Variants in SYN3 observed in about 807,000 individuals in gnomAD.
SYN3 encodes the protein synapsin III, also known as synapsin-3.
In SYN3, 35 loss-of-function variants were observed where a neutral mutation model predicts 65.8. The observed-to-expected ratio is 0.53, with a 90% CI of 0.41 to 0.70. SYN3 has a LOEUF of 0.70. SYN3 is among the 30% of genes least tolerant of loss of function. The pLI is 0.00. For missense variants in SYN3, 680 were observed against 749.0 expected (o/e 0.91, Z 1.08); for synonymous variants, 270 against 292.9 (o/e 0.92, Z 0.80).
At chr22:32,540,870 A>T (rs2058242706) in intron 8 of SYN3, among the ~76,000 whole-genome samples, 1 of 152,224 alleles carries the variant, frequency 6.6e-6, no homozygotes, top group Non-Finnish European at 1.5e-5. Context: ...CTTGAAAATG[A>T]CTAGGGCAGA....
chr22:32,859,586 C>G (rs1004610427), intron 6 of SYN3: 2 of 616,160 alleles, frequency 3.2e-6, no homozygotes, highest in Non-Finnish European at 2.7e-6. Flanking sequence ...TTGGTTTTGA[C>G]ATCATTCATT....
chr22:32,788,240 A>AT (rs1391063081), intron 6 of SYN3, among the ~76,000 whole-genome samples: 2 of 130,900 alleles, frequency 1.5e-5, no homozygotes, highest in East Asian at 2.7e-4. Context: ...ATACGACTAT[A>AT]TTAAAAAAAA....
At chr22:32,591,890 G>A (rs770630959) in intron 7 of SYN3, among the ~76,000 whole-genome samples, 5 of 152,146 alleles carry the variant, frequency 3.3e-5, no homozygotes, top group African/African-American at 7.2e-5. Context: ...TCATCACTGC[G>A]TCCAGCACGT....
At chr22:32,598,392 G>A (rs1197034798) in intron 6 of SYN3, among the ~76,000 whole-genome samples, 2 of 152,226 alleles carry the variant, frequency 1.3e-5, no homozygotes, top group South Asian at 4.1e-4. Context: ...CTGGGAAGGG[G>A]TGGAGCTGGG....
chr22:32,947,122 G>C (rs1456431194), intron 3 of SYN3, among the ~76,000 whole-genome samples: 3 of 152,196 alleles, frequency 2.0e-5, no homozygotes, highest in African/African-American at 4.8e-5. Flanking sequence ...CACTGACCCA[G>C]TGTATGGCCT....
chr22:32,617,053 AG>A (rs1243805473), intron 6 of SYN3, among the ~76,000 whole-genome samples: 2 of 152,210 alleles, frequency 1.3e-5, no homozygotes, highest in Non-Finnish European at 2.9e-5. Context: ...ACGTTTAAGA[AG>A]GGCCTCAAAT....
At chr22:33,042,616 A>G (rs1309827702) in intron 1 of SYN3, among the ~76,000 whole-genome samples, 1 of 152,166 alleles carries the variant, frequency 6.6e-6, no homozygotes. Flanking sequence ...ACCACTCTAA[A>G]GGGCAGTTGA....
At chr22:32,718,627 T>G (rs2061072520) in intron 6 of SYN3, among the ~76,000 whole-genome samples, 3 of 151,388 alleles carry the variant, frequency 2.0e-5, no homozygotes, top group Admixed American at 2.0e-4. Context: ...GATGGAAAAT[T>G]TCCACATAGA....
chr22:33,023,101 C>T (rs1362026349), intron 1 of SYN3, among the ~76,000 whole-genome samples: 1 of 152,086 alleles, frequency 6.6e-6, no homozygotes, highest in Non-Finnish European at 1.5e-5. Context: ...TGTAATCCCA[C>T]CATTTTGAGA....
chr22:32,896,134 G>A (rs1419926942), intron 4 of SYN3, among the ~76,000 whole-genome samples: 1 of 152,096 alleles, frequency 6.6e-6, no homozygotes, highest in Non-Finnish European at 1.5e-5. Context: ...AAACTATAAA[G>A]ATATACATGT....
intron 6 of SYN3, among the ~76,000 whole-genome samples, chr22:32,687,374 G>A (rs1458343233): frequency 1.3e-5 from 2 of 151,410 alleles, no homozygotes; most frequent in Non-Finnish European, 1.5e-5. Flanking sequence ...ATGTTCGCCA[G>A]GCTAGTCTTG....
intron 6 of SYN3, chr22:32,860,230 C>T (rs1312057212): frequency 6.6e-6 from 1 of 152,290 alleles, no homozygotes. Context: ...TCCTGGAAAA[C>T]GCTTTGGTAG....
intron 6 of SYN3, among the ~76,000 whole-genome samples, chr22:32,778,680 G>A (rs73881799): frequency 0.021 from 3,180 of 152,294 alleles, 125 homozygotes; most frequent in African/African-American, 0.073. Context: ...TTTACGCTGA[G>A]TGAAGCGGAA....
chr22:32,787,338 G>A (rs569218737), intron 6 of SYN3, among the ~76,000 whole-genome samples: 22 of 152,226 alleles, frequency 1.4e-4, no homozygotes, highest in East Asian at 3.9e-4. Context: ...GTGAGCCACC[G>A]CACCCAACCC....
intron 6 of SYN3, among the ~76,000 whole-genome samples, chr22:32,736,038 C>T (rs2061333382): frequency 1.3e-5 from 2 of 152,292 alleles, no homozygotes; most frequent in South Asian, 4.1e-4. Flanking sequence ...GAGGTAGGCT[C>T]ATGTAGTTCA....
Position 32,801,959 on chromosome 22 carries a change from G to A in SYN3, c.711+62956C>T, listed in dbSNP as rs760772288. The A allele has an allele frequency of 7.8e-5, 122 of 1,568,986 alleles. No individual in the cohort carries two copies. Among genetic ancestry groups the A allele is most frequent in the Non-Finnish European group, 9.6e-5 (112 of 1,166,006 alleles). On this transcript the variant is annotated intron_variant, in intron 6 of 13. Transcript: ENST00000358763. This position sits in a 1 kb window ranked among gnomAD's most constrained non-coding sequence, Gnocchi z 4.7. Reference sequence around the variant, plus strand: ...CGCCGGCGGCGCGCACGGCAACTTTGGAGAGGCGAGCAGCAGCCCCGGCAG... The same window carrying A: ...CGCCGGCGGCGCGCACGGCAACTTTAGAGAGGCGAGCAGCAGCCCCGGCAG...
At chr22:32,929,848 G>C (rs1208072942) in intron 4 of SYN3, among the ~76,000 whole-genome samples, 1 of 152,118 alleles carries the variant, frequency 6.6e-6, no homozygotes, top group Non-Finnish European at 1.5e-5. Context: ...GGCTGATCTA[G>C]TGAATACTCT....
chr22:32,897,766 T>C (rs2049637019), intron 4 of SYN3, among the ~76,000 whole-genome samples: 1 of 152,204 alleles, frequency 6.6e-6, no homozygotes, highest in African/African-American at 2.4e-5. Flanking sequence ...AGTGAGCGCA[T>C]GATGAATTTT....
intron 3 of SYN3, among the ~76,000 whole-genome samples, chr22:32,935,332 A>C (rs1404460473): frequency 6.6e-6 from 1 of 151,902 alleles, no homozygotes; most frequent in Non-Finnish European, 1.5e-5. Context: ...ACAAAATAAC[A>C]AATTAGTTAT....
Sources: gnomAD v4.1 joint callset for allele counts (sites outside exome capture counted in the v4.1 genomes callset) on GRCh38, gnomAD v4.1.1 for gene constraint, Gnocchi (gnomAD v3.1) non-coding constraint, MANE v1.5 for transcripts, NCBI Gene and HGNC (gene_info 2026-07-23, HGNC 2026-07-21) for gene names.